The following SLC9A6 variants were observed in gnomAD, a reference collection of about 807,000 sequenced individuals.
The protein encoded by SLC9A6 is sodium/hydrogen exchanger 6.
SLC9A6 carries 6 observed loss-of-function variants against 45.3 expected under a neutral mutation model. The observed-to-expected ratio is 0.13, with a 90% CI of 0.07 to 0.26. The LOEUF (loss-of-function observed/expected upper bound fraction) is 0.26, where lower values mean the gene tolerates loss of function less well. SLC9A6 is among the 10% of genes least tolerant of loss of function. SLC9A6 has a pLI of 1.00. For missense variants in SLC9A6, 278 were observed against 503.7 expected, an observed-to-expected ratio of 0.55 and a Z score of 4.29; for synonymous variants, 191 against 187.7, an observed-to-expected ratio of 1.02 and a Z score of -0.14.
At chrX:136,037,419 T>C (rs1412465909) in intron 16 of SLC9A6, among the ~76,000 whole-genome samples, 2 of 112,691 alleles carry the variant, frequency 1.8e-5, no homozygotes, top group Non-Finnish European at 3.7e-5. Context: ...TCATTAACGA[T>C]TTGTACTTTT....
intron 1 of SLC9A6, chrX:135,975,232 T>G (rs1359244471): frequency 8.9e-6 from 1 of 112,767 alleles, no homozygotes; most frequent in Non-Finnish European, 1.9e-5. Flanking sequence ...TTTTCCAAAT[T>G]CTGCACCAGT....
At chrX:136,040,954 C>G (rs1556622501) in intron 17 of SLC9A6, among the ~76,000 whole-genome samples, 1 of 111,094 alleles carries the variant, frequency 9.0e-6, no homozygotes, top group African/African-American at 3.3e-5. Flanking sequence ...AACCCAGTCT[C>G]TACCAAAATT....
At chrX:135,996,579 G>A (rs556381256) in intron 3 of SLC9A6, among the ~76,000 whole-genome samples, 5 of 111,352 alleles carry the variant, frequency 4.5e-5, no homozygotes, top group Non-Finnish European at 9.4e-5. Flanking sequence ...GTGGGCTATC[G>A]GAAGTAGAAA....
At chrX:135,994,694 G>T (rs189620999) in intron 2 of SLC9A6, 92 bp from the exon 3 acceptor site, 1 of 835,079 alleles carries the variant, frequency 1.2e-6, no homozygotes, top group Admixed American at 2.2e-5. Context: ...GGGAACTACC[G>T]TAAGAGATTT....
chrX:135,979,309 T>C (rs1214136319), intron 1 of SLC9A6, among the ~76,000 whole-genome samples: 2 of 111,594 alleles, frequency 1.8e-5, no homozygotes, highest in Non-Finnish European at 3.8e-5. Context: ...CAAGTCTCTT[T>C]ATACCTTCTC....
intron 15 of SLC9A6, among the ~76,000 whole-genome samples, chrX:136,032,421 C>T (rs2071342300): frequency 8.9e-6 from 1 of 112,238 alleles, no homozygotes; most frequent in South Asian, 3.7e-4. Flanking sequence ...AGAACATGAG[C>T]ACTGGAAAGG....
chrX:136,004,781 C>T (rs2089632335), intron 7 of SLC9A6, among the ~76,000 whole-genome samples: 3 of 111,682 alleles, frequency 2.7e-5, no homozygotes, highest in South Asian at 3.7e-4. Context: ...AGAAATAAAA[C>T]CTAAAGGCTG....
At position 136,026,922 on chromosome X, in the gene SLC9A6, G is replaced by A. The variant is rs144695153; in HGVS notation, c.1461-1964G>A. Among the ~76,000 whole-genome samples, 18 of 111,706 alleles carry A rather than the reference G, an allele frequency of 1.6e-4. No homozygotes were observed. In the East Asian group the frequency reaches 5.1e-3, roughly 31 times the overall value. ...GAGACATTTTTGGTTGTCACAACTG[G>A]AAGAGGGGGCCTCTGCTGGCATCTA... On this transcript the variant is annotated intron_variant, in intron 13 of 17. Transcript: ENST00000630721.
intron 15 of SLC9A6, among the ~76,000 whole-genome samples, chrX:136,031,731 A>C (rs1556621166): frequency 9.0e-6 from 1 of 111,687 alleles, no homozygotes; most frequent in East Asian, 2.8e-4. Flanking sequence ...TAATATTTTG[A>C]ATGTCCACGA....
upstream of SLC9A6, among the ~76,000 whole-genome samples, chrX:135,981,061 A>G (rs2089283575): frequency 8.9e-6 from 1 of 111,743 alleles, no homozygotes. Context: ...GGGGCCATAG[A>G]GCCCTTTCTG....
At chrX:135,997,002 G>A (rs782584148) in intron 3 of SLC9A6, among the ~76,000 whole-genome samples, 18 of 111,146 alleles carry the variant, frequency 1.6e-4, no homozygotes, top group South Asian at 1.5e-3. Flanking sequence ...TCCTGACTTT[G>A]TGATCCGCCC....
intron 2 of SLC9A6, among the ~76,000 whole-genome samples, chrX:135,989,087 G>A (rs868947130): frequency 1.9e-4 from 21 of 111,357 alleles, no homozygotes; most frequent in Non-Finnish European, 2.4e-4. Flanking sequence ...TCAGCCCACT[G>A]GTGATCTTAT....
At chrX:136,036,348 TTAAC>T (rs1327943254) in intron 16 of SLC9A6, among the ~76,000 whole-genome samples, 1 of 111,719 alleles carries the variant, frequency 9.0e-6, no homozygotes, top group Non-Finnish European at 1.9e-5. Context: ...CGTCCATTGT[TTAAC>T]TGAGTTGTTT....
chrX:135,977,100 A>G (rs1168625838), intron 1 of SLC9A6, among the ~76,000 whole-genome samples: 1 of 111,929 alleles, frequency 8.9e-6, no homozygotes, highest in African/African-American at 3.2e-5. Flanking sequence ...GTTAATCCCA[A>G]AGGTGCAAGG....
chrX:135,995,059 T>A, intron 3 of SLC9A6, 74 bp downstream of exon 3: 1 of 649,683 alleles, frequency 1.5e-6, no homozygotes. Flanking sequence ...AGAAAATAAG[T>A]AATGGATTTT....
intron 10 of SLC9A6, among the ~76,000 whole-genome samples, chrX:136,015,515 A>G (rs782222647): frequency 3.4e-4 from 38 of 111,538 alleles, no homozygotes; most frequent in Non-Finnish European, 6.6e-4. Flanking sequence ...CAGTTTTGCC[A>G]TCTTTGAAAA....
chrX:135,974,395 GGGGGCGGGGAGGAGGTGGGACCGA>G (rs1380462714), upstream of SLC9A6, among the ~76,000 whole-genome samples: 37 of 44,801 alleles, frequency 8.3e-4, no homozygotes, highest in African/African-American at 3.3e-3. Flanking sequence ...TGAGGGCCGA[GGGGGCGGGGAGGAGGTGGGACCGA>G]GGGGCGGGGA....
chrX:136,028,634 C>A (rs1361437763), intron 13 of SLC9A6, among the ~76,000 whole-genome samples: 1 of 112,431 alleles, frequency 8.9e-6, no homozygotes, highest in Non-Finnish European at 1.9e-5. Context: ...GATGTTAAAA[C>A]AGCTCCTGGC....
intron 7 of SLC9A6, among the ~76,000 whole-genome samples, chrX:136,006,311 C>G (rs782070444): frequency 1.9e-5 from 2 of 106,009 alleles, no homozygotes; most frequent in Non-Finnish European, 3.9e-5. Context: ...TTTTTTTTTT[C>G]CCAACTTTTA....
Sources: gnomAD v4.1 joint callset for allele counts (sites outside exome capture counted in the v4.1 genomes callset) on GRCh38, gnomAD v4.1.1 for gene constraint, MANE v1.5 for transcripts, NCBI Gene and HGNC (gene_info 2026-07-23, HGNC 2026-07-21) for gene names.